IFI27L1: variants seen among roughly 807,000 people sequenced by gnomAD.
The protein encoded by IFI27L1 is interferon alpha inducible protein 27 like 1, also known as interferon alpha-inducible protein 27-like protein 1.
In IFI27L1, 3 loss-of-function variants were observed where a neutral mutation model predicts 9.2. The observed-to-expected ratio is 0.32, with a 90% confidence interval of 0.15 to 0.84. The LOEUF is 0.84. Ranked by LOEUF, IFI27L1 falls within the 40% of genes least tolerant of loss-of-function variation. The pLI, the probability that IFI27L1 is intolerant of heterozygous loss-of-function variation, is 0.56. For synonymous variants in IFI27L1, 53 were observed against 50.0 expected, an observed-to-expected ratio of 1.06 and a Z score of -0.26; for missense variants, 133 against 134.2, an observed-to-expected ratio of 0.99 and a Z score of 0.05.
chr14:94,090,364 AT>A (rs1886430745), intron 1 of IFI27L1, among the ~76,000 whole-genome samples: 1 of 152,228 alleles, frequency 6.6e-6, no homozygotes. Context: ...TCCAGTCCTC[AT>A]TTTAGTATAA....
rs375425054 is a variant in IFI27L1 at position 94,096,932 on chromosome 14, C to T, written c.-6C>T. The T allele has an allele frequency of 1.9e-5, 30 of 1,613,238 alleles. No homozygotes were observed. The highest frequency in any genetic ancestry group is 2.2e-5 in the Non-Finnish European group (26 of 1,179,544). ...GTGGAGGCTCACCGAGGCGAAGGGG[C>T]CAACCATGGGAAAGGAGAGTGGATG... On this transcript the variant is annotated 5_prime_UTR_variant, in exon 2 of 5. Coordinates refer to ENST00000555523, the MANE Select transcript of IFI27L1 (RefSeq NM_206949.3).
At chr14:94,099,299 G>A (rs1189022434) in intron 2 of IFI27L1, among the ~76,000 whole-genome samples, 2 of 152,304 alleles carry the variant, frequency 1.3e-5, no homozygotes, top group East Asian at 1.9e-4. Context: ...TGAGTGGCAG[G>A]GGTAGACTTG....
At chr14:94,090,188 A>G (rs1289562643) in intron 1 of IFI27L1, among the ~76,000 whole-genome samples, 1 of 152,214 alleles carries the variant, frequency 6.6e-6, no homozygotes, top group Non-Finnish European at 1.5e-5. Flanking sequence ...AGATTTTTAC[A>G]TTACCCATCC....
intron 1 of IFI27L1, among the ~76,000 whole-genome samples, chr14:94,095,770 A>G (rs1886646058): frequency 1.3e-5 from 2 of 152,154 alleles, no homozygotes; most frequent in Admixed American, 1.3e-4. Context: ...TTCCCCCATG[A>G]CCTGAGCACC....
At chr14:94,087,360 C>T (rs1886315745) in intron 1 of IFI27L1, among the ~76,000 whole-genome samples, 1 of 152,190 alleles carries the variant, frequency 6.6e-6, no homozygotes, top group South Asian at 2.1e-4. Context: ...CGTGAAAACC[C>T]TCTCTTCATG....
At chr14:94,101,783 G>A in intron 3 of IFI27L1, 31 bp from the exon 4 acceptor site, 1 of 1,612,992 alleles carries the variant, frequency 6.2e-7, no homozygotes, top group Non-Finnish European at 8.5e-7. Flanking sequence ...TCCGTCCCAT[G>A]GGGCCAACCC....
chr14:94,081,907 A>G (rs763202475), intron 1 of IFI27L1, among the ~76,000 whole-genome samples: 2 of 152,192 alleles, frequency 1.3e-5, no homozygotes, highest in Admixed American at 6.5e-5. Context: ...ATAACCCTAC[A>G]ATGGGCCTCT....
intron 1 of IFI27L1, among the ~76,000 whole-genome samples, chr14:94,084,659 A>G (rs773326505): frequency 6.6e-6 from 1 of 152,216 alleles, no homozygotes; most frequent in Admixed American, 6.5e-5. Flanking sequence ...AGAAACAAAG[A>G]CAGTTATTCA....
At chr14:94,082,472 G>C (rs1406986065) in intron 1 of IFI27L1, among the ~76,000 whole-genome samples, 1 of 152,256 alleles carries the variant, frequency 6.6e-6, no homozygotes, top group Non-Finnish European at 1.5e-5. Flanking sequence ...AGACAAAACA[G>C]CCTTCTATTG....
intron 2 of IFI27L1, among the ~76,000 whole-genome samples, chr14:94,099,816 G>A (rs1205950408): frequency 1.3e-5 from 2 of 149,158 alleles, no homozygotes; most frequent in Admixed American, 6.7e-5. Context: ...CTGTAGGGAG[G>A]GTACCATTTT....
intron 1 of IFI27L1, among the ~76,000 whole-genome samples, chr14:94,086,070 G>A (rs1272709059): frequency 6.6e-6 from 1 of 152,198 alleles, no homozygotes; most frequent in South Asian, 2.1e-4. Context: ...TCTGGTGGGA[G>A]GTGTTTGGAT....
chr14:94,095,755 G>A (rs1886644858), intron 1 of IFI27L1, among the ~76,000 whole-genome samples: 1 of 152,070 alleles, frequency 6.6e-6, no homozygotes, highest in Admixed American at 6.6e-5. Flanking sequence ...CCACCATGAG[G>A]GATTTTCCCC....
chr14:94,088,295 A>G lies in IFI27L1; in HGVS notation c.-52+6846A>G, dbSNP rs527745662. ...TCCATTTCTTACGTTACTATGCGAG[A>G]TGCAGAAGGTAAGTTTTCATTTTAC... On this transcript the variant is annotated intron_variant, in intron 1 of 4. Transcript: ENST00000555523. The G allele has an allele frequency of 4.3e-6, 3 of 702,320 alleles. No homozygotes were observed. The Admixed American group carries it at 6.0e-5, about 14-fold the overall frequency. 43.5% of individuals were successfully genotyped at this position (702,320 alleles called of 1,614,324 possible). A position where few individuals can be genotyped will look rare whatever the true frequency, so the allele number is the denominator to read the frequency against.
intron 1 of IFI27L1, among the ~76,000 whole-genome samples, chr14:94,094,584 C>T (rs1009982050): frequency 1.3e-5 from 2 of 152,184 alleles, no homozygotes; most frequent in African/African-American, 4.8e-5. Context: ...TAGATGGTGA[C>T]GGAAGTGACC....
intron 1 of IFI27L1, chr14:94,094,824 G>A (rs766926118): frequency 3.3e-5 from 5 of 152,100 alleles, no homozygotes; most frequent in Non-Finnish European, 7.3e-5. Context: ...TACTCCTGGT[G>A]AACCATGAAA....
intron 1 of IFI27L1, among the ~76,000 whole-genome samples, chr14:94,092,058 G>C (rs537081396): frequency 2.6e-3 from 391 of 151,822 alleles, no homozygotes; most frequent in Non-Finnish European, 4.2e-3. Flanking sequence ...CCTGGGCAGT[G>C]GAGGTTGCAG....
intron 1 of IFI27L1, among the ~76,000 whole-genome samples, chr14:94,086,115 A>G (rs12881383): frequency 4.6e-5 from 7 of 152,178 alleles, no homozygotes; most frequent in Non-Finnish European, 1.0e-4. Context: ...GGCTTGGGCC[A>G]TCTGCTTCAT....
At chr14:94,087,769 C>G (rs1223060873) in intron 1 of IFI27L1, among the ~76,000 whole-genome samples, 1 of 152,034 alleles carries the variant, frequency 6.6e-6, no homozygotes, top group Admixed American at 6.5e-5. Context: ...CATTTTGACT[C>G]TGACTGCTTT....
chr14:94,086,113 C>T (rs1886270319), intron 1 of IFI27L1, among the ~76,000 whole-genome samples: 1 of 152,116 alleles, frequency 6.6e-6, no homozygotes, highest in African/African-American at 2.4e-5. Context: ...ATGGCTTGGG[C>T]CATCTGCTTC....
Sources: gnomAD v4.1 joint callset for allele counts (sites outside exome capture counted in the v4.1 genomes callset) on GRCh38, gnomAD v4.1.1 for gene constraint, MANE v1.5 for transcripts, NCBI Gene and HGNC (gene_info 2026-07-23, HGNC 2026-07-21) for gene names.